The following FYB1 variants were observed in gnomAD, a reference collection of about 807,000 sequenced individuals.
The protein encoded by FYB1 is FYN binding protein 1, also known as FYN-binding protein 1.
In FYB1, 41 loss-of-function variants were observed where a neutral mutation model predicts 94.1. The ratio of observed to expected loss-of-function variants is 0.44; its 90% CI spans 0.34 to 0.57. The LOEUF is 0.57. Among genes scored for constraint, FYB1 ranks in the 20% least tolerant of loss-of-function variants. The pLI is 0.02. For missense variants in FYB1, 1,050 were observed against 976.8 expected (o/e 1.07, Z -1.00); for synonymous variants, 367 against 353.2 (o/e 1.04, Z -0.44).
chr5:39,232,380 G>A (rs553131557), intron 1 of FYB1, among the ~76,000 whole-genome samples: 127 of 152,076 alleles, frequency 8.4e-4, no homozygotes, highest in Non-Finnish European at 1.5e-3. Context: ...CACTCTACCC[G>A]TTCTCCTTGC....
At chr5:39,137,816 G>T (rs1741792409) in intron 6 of FYB1, 96 bp from the exon 7 acceptor site, 5 of 1,469,074 alleles carry the variant, frequency 3.4e-6, no homozygotes, top group Admixed American at 2.2e-5. Flanking sequence ...AGAAAAGGTG[G>T]TATCTGAAGT....
At chr5:39,116,247 T>C (rs1047672429) in intron 16 of FYB1, among the ~76,000 whole-genome samples, 1 of 152,176 alleles carries the variant, frequency 6.6e-6, no homozygotes, top group Non-Finnish European at 1.5e-5. Context: ...ATCCAGCCCA[T>C]AGAAACTCTT....
At chr5:39,235,278 C>CT (rs112698280) in intron 1 of FYB1, among the ~76,000 whole-genome samples, 16,482 of 145,950 alleles carry the variant, frequency 0.11, 2,369 homozygotes, top group African/African-American at 0.32. Context: ...CAAGGATCAG[C>CT]TTTTTTTTTT....
chr5:39,206,866 T>C (rs1199234484), intron 1 of FYB1, among the ~76,000 whole-genome samples: 1 of 152,142 alleles, frequency 6.6e-6, no homozygotes, highest in Admixed American at 6.5e-5. Context: ...GATGGAAACC[T>C]CTACTCTGCA....
chr5:39,127,103 T>C (rs1476457955), intron 11 of FYB1, among the ~76,000 whole-genome samples: 1 of 140,132 alleles, frequency 7.1e-6, no homozygotes, highest in Non-Finnish European at 1.6e-5. Flanking sequence ...AACTTTTAAA[T>C]ATGCCATTTA....
At chr5:39,219,608 G>A, upstream of FYB1, 1 of 985,222 alleles carries the variant, frequency 1.0e-6, no homozygotes, top group Non-Finnish European at 1.2e-6. Context: ...GTCAGTGGTT[G>A]AGTGAGCCAC....
At chr5:39,263,879 G>A (rs1579808562) in intron 1 of FYB1, among the ~76,000 whole-genome samples, 1 of 152,178 alleles carries the variant, frequency 6.6e-6, no homozygotes, top group Non-Finnish European at 1.5e-5. Flanking sequence ...AAAATATGAA[G>A]CAGGTAATGG....
At chr5:39,176,768 A>T (rs1745776648) in intron 2 of FYB1, among the ~76,000 whole-genome samples, 1 of 152,258 alleles carries the variant, frequency 6.6e-6, no homozygotes, top group Non-Finnish European at 1.5e-5. Context: ...AAAAATAGCA[A>T]CACAACTTCC....
At chr5:39,151,753 A>G (rs948538431) in intron 3 of FYB1, among the ~76,000 whole-genome samples, 5 of 152,160 alleles carry the variant, frequency 3.3e-5, no homozygotes, top group African/African-American at 1.2e-4. Context: ...TTGACTTGAG[A>G]GTGGTCTTTG....
intron 1 of FYB1, among the ~76,000 whole-genome samples, chr5:39,216,486 T>C (rs1749879636): frequency 6.6e-6 from 1 of 152,118 alleles, no homozygotes; most frequent in African/African-American, 2.4e-5. Flanking sequence ...CCATGGTGGC[T>C]TACTGCACCT....
chr5:39,148,005 T>C (rs1243112576), intron 3 of FYB1, among the ~76,000 whole-genome samples: 1 of 149,490 alleles, frequency 6.7e-6, no homozygotes, highest in Non-Finnish European at 1.5e-5. Flanking sequence ...CTAAAATTCC[T>C]TCCTTGATCC....
chr5:39,135,511 G>A (rs1392992417), intron 7 of FYB1, among the ~76,000 whole-genome samples: 3 of 152,176 alleles, frequency 2.0e-5, no homozygotes, highest in Non-Finnish European at 4.4e-5. Flanking sequence ...GTTACACGAG[G>A]TTTTTCAAAT....
At chr5:39,185,048 A>G (rs1022162715) in intron 2 of FYB1, among the ~76,000 whole-genome samples, 1 of 152,272 alleles carries the variant, frequency 6.6e-6, no homozygotes, top group East Asian at 1.9e-4. Context: ...CTTATATGTT[A>G]TTAGCGTTTA....
chr5:39,151,078 G>C lies in FYB1; in HGVS notation c.1292+2370C>G, dbSNP rs544203443. On this transcript the variant is annotated intron_variant, in intron 3 of 18. Transcript: ENST00000512982. The stretch of plus-strand genomic sequence containing the variant: ...TGTGCCTAGAACAGTCTTCCTTCAT[G>C]TCTAACTCCCTTACTTCCTTTGAAT... Among the ~76,000 whole-genome samples the C allele has an allele frequency of 3.3e-5, 5 of 152,156 alleles. No individual in the cohort carries two copies. In the East Asian group the frequency reaches 9.7e-4, roughly 29 times the overall value.
intron 2 of FYB1, among the ~76,000 whole-genome samples, chr5:39,161,348 A>G (rs1279124632): frequency 2.0e-5 from 3 of 152,186 alleles, no homozygotes. Context: ...TGCACAGTAA[A>G]ACATTTAAGA....
chr5:39,131,852 C>T (rs943000574), intron 9 of FYB1, among the ~76,000 whole-genome samples: 2 of 152,114 alleles, frequency 1.3e-5, no homozygotes, highest in African/African-American at 4.8e-5. Flanking sequence ...AGCAAAGCTC[C>T]TGTTTTATTT....
Position 39,119,607 on chromosome 5 carries a change from C to G in FYB1, c.2166G>C (p.Lys722Asn). 6.5e-7 allele frequency: 1 copy of G among 1,544,968 alleles called. No individual in the cohort carries two copies. The highest frequency in any genetic ancestry group is 8.7e-7 in the Non-Finnish European group (1 of 1,144,896). ...MSQGTNVGKA[K>N]TEEKDLKKLK... ...GCTTCTTAAGGTCCTTTTCTTCTGT[C>G]TTAGCTTTTCCAACATTAGTTCCTT... Residue 722 changes from lysine to asparagine, a missense_variant, in exon 15 of 19, where the codon AAG becomes AAC. By Grantham distance (94) the Lys-to-Asn change is moderately conservative. Coordinates refer to ENST00000512982, the MANE Select transcript of FYB1 (RefSeq NM_001465.6).
At chr5:39,234,866 A>G (rs1750891231) in intron 1 of FYB1, among the ~76,000 whole-genome samples, 1 of 152,020 alleles carries the variant, frequency 6.6e-6, no homozygotes, top group South Asian at 2.1e-4. Flanking sequence ...CAGGGAGGGG[A>G]ACATCATACA....
Position 39,247,071 on chromosome 5 carries a change from CATATATATATATATAT to C in FYB1, c.-28+27316_-28+27331del, listed in dbSNP as rs3085950. Among the ~76,000 whole-genome samples the C allele has an allele frequency of 3.4e-3, 224 of 65,624 alleles. 7 individuals are homozygous for C. In the Middle Eastern group the frequency reaches 0.054, roughly 16 times the overall value. The allele number at this position is 65,624 out of a possible 152,430, so 43.1% of individuals were successfully genotyped here. A position where few individuals can be genotyped will look rare whatever the true frequency, so the allele number is the denominator to read the frequency against. ...ATGGTGCACACACAAAATGCGTGTTCATATATATATATATATATATATATATATATATATATATATA... is the reference window on the plus strand; with the variant it reads ...ATGGTGCACACACAAAATGCGTGTTCATATATATATATATATATATATATA... On this transcript the variant is annotated intron_variant, in intron 1 of 1. Coordinates refer to the FYB1 transcript ENST00000510188.
Sources: allele counts gnomAD v4.1 joint callset (sites outside exome capture counted in the v4.1 genomes callset), GRCh38; gene constraint gnomAD v4.1.1; transcripts MANE v1.5; gene names NCBI Gene and HGNC (gene_info 2026-07-23, HGNC 2026-07-21).